The following TMTC2 variants were observed in gnomAD, a reference collection of about 807,000 sequenced individuals.
TMTC2 encodes the protein transmembrane O-mannosyltransferase targeting cadherins 2.
A neutral mutation model predicts 82.4 loss-of-function variants in TMTC2; 43 were observed. The observed-to-expected ratio is 0.52, with a 90% CI of 0.41 to 0.67. The LOEUF (loss-of-function observed/expected upper bound fraction) is 0.67. Among genes scored for constraint, TMTC2 ranks in the 30% least tolerant of loss-of-function variants. The pLI, the probability that TMTC2 is intolerant of heterozygous loss-of-function variation, is 0.00. For synonymous variants in TMTC2, 408 were observed against 381.9 expected (o/e 1.07, Z -0.80); for missense variants, 919 against 1,012.4 (o/e 0.91, Z 1.25).
At chr12:82,866,513 A>G (rs2137129360) in intron 2 of TMTC2, among the ~76,000 whole-genome samples, 1 of 152,308 alleles carries the variant, frequency 6.6e-6, no homozygotes, top group South Asian at 2.1e-4. Context: ...CTTGTGATGA[A>G]TAAATAATGA....
intron 3 of TMTC2, among the ~76,000 whole-genome samples, chr12:82,899,010 C>G (rs1263310963): frequency 6.6e-6 from 1 of 152,194 alleles, no homozygotes; most frequent in Non-Finnish European, 1.5e-5. Flanking sequence ...TTTTGGTACA[C>G]AGTTAGAATG....
At chr12:82,855,782 C>A (rs572328847) in intron 1 of TMTC2, among the ~76,000 whole-genome samples, 1 of 152,304 alleles carries the variant, frequency 6.6e-6, no homozygotes, top group South Asian at 2.1e-4. Context: ...TTTATATTCA[C>A]TTTTTAATTT....
At chr12:83,106,334 T>C (rs1248544025) in intron 11 of TMTC2, among the ~76,000 whole-genome samples, 3 of 151,908 alleles carry the variant, frequency 2.0e-5, no homozygotes, top group African/African-American at 7.3e-5. Flanking sequence ...ACCCCATCTT[T>C]ACTAAAAATA....
At chr12:83,116,636 A>T (rs956588397) in intron 11 of TMTC2, among the ~76,000 whole-genome samples, 1 of 152,188 alleles carries the variant, frequency 6.6e-6, no homozygotes, top group Admixed American at 6.5e-5. Context: ...TTCTTGCAAG[A>T]GTAAGGTGGT....
chr12:83,050,763 A>C (rs1218092181), intron 9 of TMTC2, 141 bp from the exon 10 acceptor site: 1 of 530,196 alleles, frequency 1.9e-6, no homozygotes, highest in Non-Finnish European at 3.3e-6. Context: ...AAAAGCATAT[A>C]AATAATCTCT....
intron 1 of TMTC2, among the ~76,000 whole-genome samples, chr12:82,699,340 T>G (rs1420584278): frequency 6.6e-6 from 1 of 152,228 alleles, no homozygotes; most frequent in East Asian, 1.9e-4. Context: ...ACACGAAGGC[T>G]TATTTTGAAT....
rs1252449238 is a variant in TMTC2 at position 83,113,088 on chromosome 12, C to T, written c.2332-19122C>T. Among the ~76,000 whole-genome samples, 3 of 152,066 alleles carry T rather than the reference C, an allele frequency of 2.0e-5. 1 individual carries two copies. The highest frequency in any genetic ancestry group is 1.3e-4 in the Admixed American group (2 of 15,254). On this transcript the variant is annotated intron_variant, in intron 11 of 11. Coordinates refer to ENST00000321196, the MANE Select transcript of TMTC2 (RefSeq NM_152588.3). ...TGAATAAGTATGTGATAAATACTTT[C>T]GAGGCCAACAGTTGATTGGGCTCTA...
intron 11 of TMTC2, among the ~76,000 whole-genome samples, chr12:83,067,330 G>A (rs1882954675): frequency 6.6e-6 from 1 of 151,936 alleles, no homozygotes. Flanking sequence ...ATAAATATTT[G>A]AATTTATTAC....
intron 4 of TMTC2, among the ~76,000 whole-genome samples, chr12:82,941,591 G>A (rs1876724262): frequency 1.3e-5 from 2 of 152,106 alleles, no homozygotes; most frequent in South Asian, 4.1e-4. Flanking sequence ...TACTGGCCAT[G>A]TGTTCTTATC....
At chr12:82,745,071 G>A (rs572847081) in intron 1 of TMTC2, among the ~76,000 whole-genome samples, 1 of 152,074 alleles carries the variant, frequency 6.6e-6, no homozygotes, top group East Asian at 1.9e-4. Flanking sequence ...ATAAATCCTT[G>A]TTTTATTGCT....
At chr12:83,101,220 A>G (rs1884204818) in intron 11 of TMTC2, among the ~76,000 whole-genome samples, 1 of 152,192 alleles carries the variant, frequency 6.6e-6, no homozygotes, top group Non-Finnish European at 1.5e-5. Flanking sequence ...ATATCTAAGC[A>G]TTGCAATTTT....
intron 1 of TMTC2, among the ~76,000 whole-genome samples, chr12:82,735,897 C>T (rs935083080): frequency 4.0e-5 from 6 of 151,842 alleles, no homozygotes; most frequent in South Asian, 2.1e-4. Flanking sequence ...CGCTTGAACC[C>T]GGGAGGCATA....
At chr12:83,115,540 A>G (rs549911825) in intron 11 of TMTC2, among the ~76,000 whole-genome samples, 2 of 152,206 alleles carry the variant, frequency 1.3e-5, no homozygotes, top group African/African-American at 2.4e-5. Flanking sequence ...TTTTACTTCA[A>G]ATGATGAGCT....
chr12:82,836,560 T>C (rs1428951547), intron 1 of TMTC2, among the ~76,000 whole-genome samples: 3 of 152,110 alleles, frequency 2.0e-5, no homozygotes, highest in Non-Finnish European at 2.9e-5. Context: ...GGAACTAGAT[T>C]CTCCCCTAGA....
chr12:83,052,675 A>G (rs1196064283), intron 10 of TMTC2, among the ~76,000 whole-genome samples: 2 of 152,188 alleles, frequency 1.3e-5, no homozygotes, highest in African/African-American at 4.8e-5. Flanking sequence ...TATTAAATCC[A>G]TGTCTGAAAT....
Position 83,093,773 on chromosome 12 carries a change from T to A in TMTC2, c.2331+31942T>A, listed in dbSNP as rs564318945. Among the ~76,000 whole-genome samples, 51 of 152,324 alleles carry A rather than the reference T, an allele frequency of 3.3e-4. No individual in the cohort carries two copies. In the South Asian group the frequency reaches 8.3e-3, roughly 25 times the overall value. On this transcript the variant is annotated intron_variant, in intron 11 of 11. Coordinates refer to ENST00000321196, the MANE Select transcript of TMTC2 (RefSeq NM_152588.3). ...TTTCAAAGATGAAGATGAATTTTTT[T>A]CCTCTGTTCAATCAGTAAATACTTA... is the stretch of plus-strand genomic sequence containing the variant.
At chr12:83,085,666 G>A (rs1883627844) in intron 11 of TMTC2, among the ~76,000 whole-genome samples, 4 of 152,098 alleles carry the variant, frequency 2.6e-5, no homozygotes, top group South Asian at 4.2e-4. Flanking sequence ...TCCCAACATG[G>A]TATTCTTGAA....
intron 8 of TMTC2, among the ~76,000 whole-genome samples, chr12:83,014,907 C>T (rs1325721258): frequency 6.6e-6 from 1 of 152,122 alleles, no homozygotes; most frequent in Non-Finnish European, 1.5e-5. Context: ...TTTACGTGTG[C>T]TATCTTTGTC....
chr12:82,904,731 A>T (rs1420587276), intron 3 of TMTC2, among the ~76,000 whole-genome samples: 1 of 152,134 alleles, frequency 6.6e-6, no homozygotes, highest in African/African-American at 2.4e-5. Context: ...ATTGATTCGT[A>T]TTTGCTTAAA....
Sources: allele counts gnomAD v4.1 joint callset (sites outside exome capture counted in the v4.1 genomes callset), GRCh38; gene constraint gnomAD v4.1.1; transcripts MANE v1.5; gene names NCBI Gene and HGNC (gene_info 2026-07-23, HGNC 2026-07-21).